TFE3: variants seen among roughly 807,000 people sequenced by gnomAD.
TFE3 encodes the protein transcription factor E3.
A neutral mutation model predicts 35.0 loss-of-function variants in TFE3; 5 were observed. The ratio of observed to expected loss-of-function variants is 0.14; its 90% CI spans 0.07 to 0.30. The LOEUF (loss-of-function observed/expected upper bound fraction) is 0.30, where lower values mean the gene tolerates loss of function less well. TFE3 is among the 10% of genes least tolerant of loss of function. The pLI is 1.00. For missense variants in TFE3, 374 were observed against 496.6 expected, an observed-to-expected ratio of 0.75 and a Z score of 2.35; for synonymous variants, 211 against 215.6, an observed-to-expected ratio of 0.98 and a Z score of 0.18.
Position 49,041,227 on chromosome X carries a change from G to A in TFE3, c.117-659C>T, listed in dbSNP as rs781953279. Among the ~76,000 whole-genome samples the A allele has an allele frequency of 3.6e-5, 4 of 111,232 alleles. No individual in the cohort carries two copies. In the South Asian group the frequency reaches 1.1e-3, roughly 31 times the overall value. On this transcript the variant is annotated intron_variant, in intron 1 of 9. Transcript: ENST00000315869. ...ATTACAGGTGTGAGCCACTGCGCCC[G>A]GCCAACCCCCTGCTATTTTCTTTAC... is the stretch of plus-strand genomic sequence containing the variant.
intron 2 of TFE3, among the ~76,000 whole-genome samples, chrX:49,040,031 AAAG>A (rs2064752320): frequency 9.1e-6 from 1 of 110,302 alleles, no homozygotes; most frequent in East Asian, 2.9e-4. Flanking sequence ...AAGCTTGGGG[AAAG>A]AAGAGACCAG....
In TFE3 at chrX:49,033,676, T is replaced by A. The variant is rs1247086515; in HGVS notation, c.1060+50A>T. 8 of 1,198,276 alleles carry A rather than the reference T, an allele frequency of 6.7e-6. No individual in the cohort carries two copies. The African/African-American group carries it at 1.2e-4, about 18-fold the overall frequency. On this transcript the variant is annotated intron_variant, in intron 7 of 9. Transcript: ENST00000315869. ...CCCCATGGGGGGCCAGGACTCGGGG[T>A]GAGGCAGGCCTGCACAGCACCCGGG...
intron 8 of TFE3, among the ~76,000 whole-genome samples, chrX:49,032,795 A>G (rs1473674671): frequency 2.8e-5 from 3 of 107,842 alleles, no homozygotes; most frequent in Non-Finnish European, 5.8e-5. Flanking sequence ...CTGCCTCAGC[A>G]TCCCGAGTAG....
intron 5 of TFE3, among the ~76,000 whole-genome samples, chrX:49,036,719 T>C (rs2064732649): frequency 9.0e-6 from 1 of 110,879 alleles, no homozygotes; most frequent in Admixed American, 9.7e-5. Flanking sequence ...AGAGAATCGC[T>C]TGAACTTGGT....
intron 3 of TFE3, 86 bp from the exon 4 acceptor site, chrX:49,038,528 C>T: frequency 9.1e-7 from 1 of 1,097,664 alleles, no homozygotes; most frequent in Non-Finnish European, 1.2e-6. Flanking sequence ...GCCTGACCCT[C>T]CTAACTCATT....
intron 6 of TFE3, 84 bp downstream of exon 6, chrX:49,034,050 A>T (rs1557074238): frequency 3.6e-6 from 3 of 827,880 alleles, no homozygotes; most frequent in Admixed American, 2.3e-5. Flanking sequence ...TCCCCTCAGA[A>T]TCAGGCCCAT....
rs782607653 is a variant in TFE3, at chrX:49,031,442, C to T, written c.1239G>A (p.Gln413=). 61 of 1,202,334 alleles carry T rather than the reference C, an allele frequency of 5.1e-5. No homozygotes were observed. The highest frequency in any genetic ancestry group is 1.1e-6 in the Non-Finnish European group (1 of 891,333). ...QQRSKDLESR[Q]RSLEQANRSL... is the part of the protein sequence containing the mutation. ...TGCGGTTGGCCTGCTCCAGGGATCGCTGCCGGCTCTCCAGGTCTTTGGAGC... is the reference window on the plus strand; with the variant it reads ...TGCGGTTGGCCTGCTCCAGGGATCGTTGCCGGCTCTCCAGGTCTTTGGAGC... Residue 413 remains glutamine (Q), a synonymous_variant, in exon 9 of 10, where the codon CAG becomes CAA. Coordinates refer to ENST00000315869, the MANE Select transcript of TFE3 (RefSeq NM_006521.6).
At chrX:49,038,553 C>T (rs1292262792) in intron 3 of TFE3, 111 bp from the exon 4 acceptor site, 12 of 978,907 alleles carry the variant, frequency 1.2e-5, no homozygotes, top group East Asian at 3.4e-5. Flanking sequence ...CCTAGACTCA[C>T]GCAGACAAGC....
In TFE3 at chrX:49,038,540, G is replaced by A. The variant is rs1025101752; in HGVS notation, c.535-98C>T. On this transcript the variant is annotated intron_variant, in intron 3 of 9. Coordinates refer to ENST00000315869, the MANE Select transcript of TFE3 (RefSeq NM_006521.6). ...CCAGCCTGACCCTCCTAACTCATTG[G>A]TGCCTAGACTCACGCAGACAAGCTG... 4 of 1,038,959 alleles carry A rather than the reference G, an allele frequency of 3.9e-6. No homozygotes were observed. In the Admixed American group the frequency reaches 1.0e-4, roughly 27 times the overall value. 85.6% of individuals were successfully genotyped at this position (1,038,959 alleles called of 1,213,427 possible). A position where few individuals can be genotyped will look rare whatever the true frequency, so the allele number is the denominator to read the frequency against.
At chrX:49,036,401 A>G (rs1225422691) in intron 5 of TFE3, among the ~76,000 whole-genome samples, 7 of 66,736 alleles carry the variant, frequency 1.0e-4, no homozygotes, top group Admixed American at 4.4e-4. Flanking sequence ...CAGGAGGCAG[A>G]GGGTGCAATG....
At chrX:49,039,530 G>T in intron 2 of TFE3, 120 bp from the exon 3 acceptor site, 1 of 809,538 alleles carries the variant, frequency 1.2e-6, no homozygotes, top group South Asian at 3.2e-5. Flanking sequence ...GCCTTCCGAG[G>T]CCACAATGTA....
intron 1 of TFE3, among the ~76,000 whole-genome samples, chrX:49,041,222 C>T (rs188320836): frequency 2.6e-4 from 29 of 111,468 alleles, no homozygotes; most frequent in African/African-American, 9.1e-4. Context: ...TGAGCCACTG[C>T]GCCCGGCCAA....
Position 49,039,336 on chromosome X carries a change from C to T in TFE3, c.305G>A (p.Arg102Lys). ...AGAAGATGACGACATGGCAGGGGTC[C>T]TGGAGCCCCCTGCAGAAGACGATGC... The part of the protein sequence containing the change: ...LSASSSAGGS[R>K]TPAMSSSSSS... Residue 102 changes from arginine (R) to lysine (K), a missense_variant, in exon 3 of 10, where the codon AGG becomes AAG. Physicochemically the swap from Arg to Lys is conservative, Grantham distance 26 (BLOSUM62 2). Transcript: ENST00000315869. 1.7e-6 allele frequency: 2 copies of T among 1,206,595 alleles called. No individual in the cohort carries two copies. Among genetic ancestry groups the T allele is most frequent in the Non-Finnish European group, 2.2e-6 (2 of 892,825 alleles).
rs781787823 is a variant in TFE3 at position 49,039,229 on chromosome X, C to A, written c.412G>T (p.Ala138Ser). 3.3e-6 allele frequency: 4 copies of A among 1,206,509 alleles called. No individual in the cohort carries two copies. The highest frequency in any genetic ancestry group is 2.3e-4 in the Middle Eastern group (1 of 4,335). ...QERRERREQAAAAPFPSPAPA... is the reference protein window; with the variant it reads ...QERRERREQASAAPFPSPAPA... ...GCAGGACTGGGGAAGGGAGCCGCGG[C>A]GGCCTGTTCCCGACGCTCACGCCTC... Residue 138 changes from alanine to serine, a missense_variant, in exon 3 of 10, where the codon GCC becomes TCC. By Grantham distance (99) the Ala-to-Ser change is moderately conservative. Transcript: ENST00000315869.
chrX:49,033,989 C>A, intron 6 of TFE3, 145 bp downstream of exon 6: 1 of 613,928 alleles, frequency 1.6e-6, no homozygotes, highest in Non-Finnish European at 2.6e-6. Context: ...AGACCACAAG[C>A]CATAGGGGGA....
Sources: gnomAD v4.1 joint callset for allele counts (sites outside exome capture counted in the v4.1 genomes callset) on GRCh38, gnomAD v4.1.1 for gene constraint, MANE v1.5 for transcripts, NCBI Gene and HGNC (gene_info 2026-07-23, HGNC 2026-07-21) for gene names.